Variants in MAD1L1 observed in about 807,000 individuals in gnomAD.
MAD1L1 encodes mitotic spindle assembly checkpoint protein MAD1.
MAD1L1 carries 95 observed loss-of-function variants against 96.9 expected under a neutral mutation model. That is an observed-to-expected ratio of 0.98 (90% CI 0.83 to 1.16). The LOEUF is 1.16. Ranked by LOEUF, MAD1L1 falls within the 50% of genes most tolerant of loss-of-function variation. The pLI is 0.00. For synonymous variants in MAD1L1, 473 were observed against 396.6 expected, an observed-to-expected ratio of 1.19 and a Z score of -2.29; for missense variants, 1,007 against 954.4, an observed-to-expected ratio of 1.06 and a Z score of -0.73.
At chr7:2,019,364 G>C (rs1272679621) in intron 12 of MAD1L1, among the ~76,000 whole-genome samples, 1 of 152,236 alleles carries the variant, frequency 6.6e-6, no homozygotes, top group Non-Finnish European at 1.5e-5. Context: ...TCGAGAACAT[G>C]ATGACAGGCG....
At chr7:2,110,440 A>G (rs1355276685) in intron 11 of MAD1L1, among the ~76,000 whole-genome samples, 2 of 152,180 alleles carry the variant, frequency 1.3e-5, no homozygotes, top group Non-Finnish European at 2.9e-5. Flanking sequence ...ACTCGCACAG[A>G]CACCTCCTCT....
At chr7:2,232,718 A>G (rs1010280299) in intron 1 of MAD1L1, among the ~76,000 whole-genome samples, 154 bp downstream of exon 1, 3 of 151,864 alleles carry the variant, frequency 2.0e-5, no homozygotes, top group African/African-American at 4.8e-5. Flanking sequence ...CCCATGGGAG[A>G]CGGGGCGGGC....
intron 16 of MAD1L1, among the ~76,000 whole-genome samples, chr7:1,953,698 T>C (rs1203038211): frequency 6.6e-6 from 1 of 152,250 alleles, no homozygotes; most frequent in African/African-American, 2.4e-5. Context: ...TGGTGGAGCC[T>C]TGGTGGCGGG....
Position 2,225,557 on chromosome 7 carries a change from A to G in MAD1L1, c.151-7T>C, listed in dbSNP as rs768107443. ...GCTCTGCTCTTTCCTCCAGCTGAGCAGGTCGCACCCAAAGAAAAACAGAAT... is the reference window on the plus strand; with the variant it reads ...GCTCTGCTCTTTCCTCCAGCTGAGCGGGTCGCACCCAAAGAAAAACAGAAT... On this transcript the variant is annotated splice_polypyrimidine_tract_variant and splice_region_variant and intron_variant, in intron 3 of 18. Transcript: ENST00000265854. The G allele has an allele frequency of 1.2e-6, 2 of 1,612,804 alleles. No homozygotes were observed. The highest frequency in any genetic ancestry group is 1.3e-5 in the African/African-American group (1 of 74,914).
At chr7:1,818,563 G>GAGAT (rs552911201) in intron 18 of MAD1L1, among the ~76,000 whole-genome samples, 88 of 152,072 alleles carry the variant, frequency 5.8e-4, no homozygotes, top group Middle Eastern at 3.4e-3. Context: ...ATTTTTTTGA[G>GAGAT]AGATAGATAG....
chr7:1,957,799 G>T (rs925795263), intron 15 of MAD1L1, 80 bp from the exon 16 acceptor site: 1 of 1,343,186 alleles, frequency 7.4e-7, no homozygotes, highest in African/African-American at 1.4e-5. Context: ...TGATAAGGAG[G>T]TGAAAGGTTA....
intron 12 of MAD1L1, among the ~76,000 whole-genome samples, chr7:2,032,692 G>A (rs1783282166): frequency 6.6e-6 from 1 of 152,210 alleles, no homozygotes; most frequent in Non-Finnish European, 1.5e-5. Context: ...GGGACCCTGT[G>A]CTGCTTCTGG....
At chr7:2,000,629 C>T (rs373017036) in intron 14 of MAD1L1, among the ~76,000 whole-genome samples, 9 of 152,342 alleles carry the variant, frequency 5.9e-5, no homozygotes, top group South Asian at 4.1e-4. Context: ...TCGCCACCAC[C>T]GGAAGTTCTG....
chr7:2,024,314 T>C (rs547356566), intron 12 of MAD1L1, among the ~76,000 whole-genome samples: 1 of 152,112 alleles, frequency 6.6e-6, no homozygotes, highest in Admixed American at 6.5e-5. Context: ...GAGGAAGAGA[T>C]CACATGAATC....
chr7:2,205,268 A>G (rs1388882156), intron 10 of MAD1L1, among the ~76,000 whole-genome samples: 1 of 151,858 alleles, frequency 6.6e-6, no homozygotes, highest in Non-Finnish European at 1.5e-5. Flanking sequence ...GTAAACCATG[A>G]CCTGTCACTG....
At chr7:1,987,919 G>A (rs1781231191) in intron 14 of MAD1L1, among the ~76,000 whole-genome samples, 2 of 152,232 alleles carry the variant, frequency 1.3e-5, no homozygotes, top group African/African-American at 4.8e-5. Context: ...ACGGGACCAT[G>A]TCTGAAGCTC....
At chr7:2,071,291 G>A (rs1012831999) in intron 11 of MAD1L1, among the ~76,000 whole-genome samples, 1 of 152,194 alleles carries the variant, frequency 6.6e-6, no homozygotes, top group Admixed American at 6.5e-5. Flanking sequence ...GGACTTGGTG[G>A]CGGTCCTGAC....
chr7:1,831,291 CA>C (rs1388170768), intron 18 of MAD1L1, among the ~76,000 whole-genome samples: 1 of 152,154 alleles, frequency 6.6e-6, no homozygotes, highest in Non-Finnish European at 1.5e-5. Flanking sequence ...TCTTTGATGT[CA>C]CCATTGTAAT....
In MAD1L1 at chr7:2,068,563, G is replaced by A. The variant is rs902070164; in HGVS notation, c.1218+631C>T. Among the ~76,000 whole-genome samples, 9 of 152,202 alleles carry A rather than the reference G, an allele frequency of 5.9e-5. No homozygotes were observed. The East Asian group carries it at 1.3e-3, about 23-fold the overall frequency. On this transcript the variant is annotated intron_variant, in intron 12 of 18. Coordinates refer to ENST00000265854, the MANE Select transcript of MAD1L1 (RefSeq NM_001013836.2). The stretch of plus-strand genomic sequence containing the variant: ...AGGGGGAGTCTCCGCCCAGCAAACT[G>A]GACACCCGCCCTGGCCCAGAGAGCA...
chr7:1,942,031 C>A lies in MAD1L1; in HGVS notation c.1597-5134G>T, dbSNP rs528439183. On this transcript the variant is annotated intron_variant, in intron 16 of 18. Transcript: ENST00000265854. ...ACCACCCACCCGCTCACGTCCCCAC[C>A]GTGATTCTGGGCCAGGCTCTTGACC... Among the ~76,000 whole-genome samples, 8 of 152,292 alleles carry A rather than the reference C, an allele frequency of 5.3e-5. No homozygotes were observed. In the East Asian group the frequency reaches 1.5e-3, roughly 29 times the overall value.
At chr7:1,982,552 ATT>A (rs2128484875) in intron 14 of MAD1L1, among the ~76,000 whole-genome samples, 1 of 152,210 alleles carries the variant, frequency 6.6e-6, no homozygotes, top group South Asian at 2.1e-4. Flanking sequence ...GTGATTTTAA[ATT>A]TTTGTTTCCC....
chr7:2,007,165 G>A (rs922438606), intron 13 of MAD1L1, among the ~76,000 whole-genome samples: 2 of 152,200 alleles, frequency 1.3e-5, no homozygotes, highest in African/African-American at 4.8e-5. Context: ...AAGAGGCGCC[G>A]AGGTGGAGAA....
chr7:1,953,693 G>A (rs1779601711), intron 16 of MAD1L1, among the ~76,000 whole-genome samples: 1 of 152,256 alleles, frequency 6.6e-6, no homozygotes, highest in Non-Finnish European at 1.5e-5. Flanking sequence ...ATCCGTGGTG[G>A]AGCCTTGGTG....
intron 18 of MAD1L1, among the ~76,000 whole-genome samples, chr7:1,828,672 G>T (rs531335407): frequency 1.3e-5 from 2 of 152,080 alleles, no homozygotes; most frequent in Admixed American, 1.3e-4. Flanking sequence ...CTGTGTCTCC[G>T]AACAGAGCTC....
Sources: allele counts gnomAD v4.1 joint callset (sites outside exome capture counted in the v4.1 genomes callset), GRCh38; gene constraint gnomAD v4.1.1; transcripts MANE v1.5; gene names NCBI Gene and HGNC (gene_info 2026-07-23, HGNC 2026-07-21).